The following NSMCE4A variants were observed in gnomAD, a reference collection of about 807,000 sequenced individuals.
NSMCE4A encodes non-structural maintenance of chromosomes element 4 homolog A.
In NSMCE4A, 40 loss-of-function variants were observed where a neutral mutation model predicts 47.9. That is an observed-to-expected ratio of 0.83 (90% confidence interval 0.65 to 1.09). NSMCE4A has a LOEUF of 1.09. Among genes scored for constraint, NSMCE4A ranks in the 50% least tolerant of loss-of-function variants. The pLI, the probability that NSMCE4A is intolerant of heterozygous loss-of-function variation, is 0.00. For missense variants in NSMCE4A, 500 were observed against 507.0 expected (o/e 0.99, Z 0.13); for synonymous variants, 166 against 178.5 (o/e 0.93, Z 0.56).
intron 3 of NSMCE4A, among the ~76,000 whole-genome samples, chr10:121,968,578 G>A (rs2134768665): frequency 6.6e-6 from 1 of 152,094 alleles, no homozygotes; most frequent in Non-Finnish European, 1.5e-5. Context: ...AGAGTTGGCG[G>A]AAGTCAAATA....
chr10:121,962,798 G>A (rs1401620026), intron 6 of NSMCE4A, among the ~76,000 whole-genome samples: 1 of 151,990 alleles, frequency 6.6e-6, no homozygotes, highest in Non-Finnish European at 1.5e-5. Flanking sequence ...TTTTAGTAGA[G>A]ATGAGGTTTC....
chr10:121,959,802 CAT>C (rs1952465891), intron 8 of NSMCE4A: 1 of 581,850 alleles, frequency 1.7e-6, no homozygotes, highest in South Asian at 2.1e-5. Context: ...TTTCAAAAAA[CAT>C]GTAGTAGAGT....
intron 4 of NSMCE4A, chr10:121,967,211 T>G (rs1355372370): frequency 6.5e-6 from 1 of 154,146 alleles, no homozygotes; most frequent in Non-Finnish European, 1.4e-5. Context: ...CTTTTTTTTC[T>G]TTTTTGAGAC....
chr10:121,972,498 A>G (rs1278259951), intron 2 of NSMCE4A, among the ~76,000 whole-genome samples: 29 of 152,096 alleles, frequency 1.9e-4, no homozygotes, highest in Admixed American at 1.9e-3. Context: ...CATCAAATCC[A>G]TGAATGCCAG....
chr10:121,961,602 G>C, intron 6 of NSMCE4A, 85 bp from the exon 7 acceptor site: 3 of 781,546 alleles, frequency 3.8e-6, no homozygotes, highest in Non-Finnish European at 5.9e-6. Flanking sequence ...ACAAAGAAAG[G>C]ATGTGTACTC....
At chr10:121,974,671 A>C in intron 1 of NSMCE4A, 1 of 1,093,742 alleles carries the variant, frequency 9.1e-7, no homozygotes, top group Non-Finnish European at 1.1e-6. Flanking sequence ...GACCCGCGCC[A>C]AGGTCGTACG....
At chr10:121,968,156 T>C (rs571419857) in intron 3 of NSMCE4A, among the ~76,000 whole-genome samples, 2 of 152,290 alleles carry the variant, frequency 1.3e-5, no homozygotes, top group South Asian at 2.1e-4. Context: ...GCTGCTGGCA[T>C]ATACTGGGTA....
intron 2 of NSMCE4A, among the ~76,000 whole-genome samples, chr10:121,973,217 C>G (rs920268984): frequency 2.3e-5 from 3 of 127,936 alleles, no homozygotes; most frequent in African/African-American, 8.6e-5. Context: ...GCCTGGGCAA[C>G]AGAGACTCCA....
At chr10:121,961,784 T>C (rs1488834865) in intron 6 of NSMCE4A, 3 of 344,498 alleles carry the variant, frequency 8.7e-6, no homozygotes, top group Non-Finnish European at 1.6e-5. Flanking sequence ...TTCAGCAATT[T>C]ATACAAGAGT....
chr10:121,970,276 T>C (rs1952681788), intron 3 of NSMCE4A, among the ~76,000 whole-genome samples: 1 of 151,402 alleles, frequency 6.6e-6, no homozygotes, highest in South Asian at 2.1e-4. Context: ...ATCCAGACCA[T>C]CCTGGCTAAC....
chr10:121,963,179 A>G, intron 6 of NSMCE4A, 59 bp downstream of exon 6: 1 of 1,000,142 alleles, frequency 1.0e-6, no homozygotes, highest in Non-Finnish European at 1.5e-6. Flanking sequence ...TTTAAATACA[A>G]GTAACCTCAG....
At chr10:121,962,420 A>G (rs1392107152) in intron 6 of NSMCE4A, among the ~76,000 whole-genome samples, 3 of 147,554 alleles carry the variant, frequency 2.0e-5, no homozygotes, top group African/African-American at 4.9e-5. Flanking sequence ...CTCTGTCTCA[A>G]AAAAAAAAAA....
Position 121,974,923 on chromosome 10 carries a change from C to A in NSMCE4A, c.243G>T (p.Leu81=). The A allele has an allele frequency of 6.5e-7, 1 of 1,532,504 alleles. No homozygotes were observed. Among genetic ancestry groups the A allele is most frequent in the East Asian group, 2.7e-5 (1 of 36,810 alleles). The allele number at this position is 1,532,504 out of a possible 1,614,324, so 94.9% of individuals were successfully genotyped here. A position where few individuals can be genotyped will look rare whatever the true frequency, so the allele number is the denominator to read the frequency against. ...ASLEAEADQG[L]CRQIRHQYRA... is the part of the protein sequence containing the mutation. ...GGTACTGATGGCGGATCTGGCGGCA[C>A]AGGCCTTGGTCGGCCTCCGCCTCCA... The change falls in exon 1 of 11, where the codon CTG becomes CTT. Residue 81 remains leucine (L), a synonymous_variant. Transcript: ENST00000369023.
chr10:121,960,306 T>C lies in NSMCE4A; in HGVS notation c.988+52A>G, dbSNP rs763901155. ...ATTTAGTAAAATACTTAAATTCTAC[T>C]AACAAATATATTTTCTCTAAAACTA... On this transcript the variant is annotated intron_variant, in intron 8 of 10. Transcript: ENST00000369023. This position sits in a 1 kb window ranked among gnomAD's most constrained non-coding sequence, Gnocchi z 4.2. 2.6e-6 allele frequency: 3 copies of C among 1,159,626 alleles called. No homozygotes were observed. The highest frequency in any genetic ancestry group is 3.5e-6 in the Non-Finnish European group (3 of 850,664). The allele number at this position is 1,159,626 out of a possible 1,614,324, so 71.8% of individuals were successfully genotyped here.
Position 121,970,990 on chromosome 10 carries a change from C to A in NSMCE4A, c.450G>T (p.Gln150His). The change falls in exon 3 of 11, where the codon CAG (glutamine) becomes CAT (histidine). Residue 150 changes from glutamine to histidine, a missense_variant. Coordinates refer to ENST00000369023, the MANE Select transcript of NSMCE4A (RefSeq NM_017615.3). Reference sequence around the variant, plus strand: ...CAAAGGAGCTCAGGTCTGAGCGCAGCTGCTTTGCTTTCTCTTTGCCCAAAT... The same window carrying A: ...CAAAGGAGCTCAGGTCTGAGCGCAGATGCTTTGCTTTCTCTTTGCCCAAAT... ...ASDLGKEKAK[Q>H]LRSDLSSFDM... 2 of 1,614,046 alleles carry A rather than the reference C, an allele frequency of 1.2e-6. No individual in the cohort carries two copies. The highest frequency in any genetic ancestry group is 4.5e-5 in the East Asian group (2 of 44,886).
At chr10:121,967,591 T>C in intron 4 of NSMCE4A, 64 bp downstream of exon 4, 1 of 1,522,290 alleles carries the variant, frequency 6.6e-7, no homozygotes, top group Admixed American at 2.0e-5. Context: ...TCTTTGTCCC[T>C]ACAAGAAAAA....
intron 2 of NSMCE4A, 106 bp from the exon 3 acceptor site, chr10:121,971,175 A>AAG: frequency 9.2e-7 from 1 of 1,083,822 alleles, no homozygotes; most frequent in Non-Finnish European, 1.3e-6. Flanking sequence ...TGGACTAAAA[A>AAG]AAAAAAAAAA....
At position 121,965,360 on chromosome 10, in the gene NSMCE4A, G is replaced by C; in HGVS notation, c.679C>G (p.Pro227Ala). 6.2e-7 allele frequency: 1 copy of C among 1,613,612 alleles called. No homozygotes were observed. The highest frequency in any genetic ancestry group is 2.2e-5 in the East Asian group (1 of 44,858). Residue 227 changes from proline (P) to alanine (A), a missense_variant, in exon 5 of 11, where the codon CCT becomes GCT. Coordinates refer to ENST00000369023, the MANE Select transcript of NSMCE4A (RefSeq NM_017615.3). The stretch of plus-strand genomic sequence containing the variant: ...CGATCAACTCGTGGCTTTGGCACAG[G>C]GCACTCTCCGTATATTGAACCCAAC... ...FLLGSIYGECPVPKPRVDRPR... is the reference protein window; with the variant it reads ...FLLGSIYGECAVPKPRVDRPR...
intron 6 of NSMCE4A, chr10:121,961,958 A>T (rs547737755): frequency 1.6e-3 from 391 of 245,970 alleles, no homozygotes; most frequent in African/African-American, 6.9e-3. Flanking sequence ...CAGAAAAAAA[A>T]TTAGCCAGAT....
Sources: gnomAD v4.1 joint callset for allele counts (sites outside exome capture counted in the v4.1 genomes callset) on GRCh38, gnomAD v4.1.1 for gene constraint, Gnocchi (gnomAD v3.1) non-coding constraint, MANE v1.5 for transcripts, NCBI Gene and HGNC (gene_info 2026-07-23, HGNC 2026-07-21) for gene names.